Variants in STK35 observed in about 807,000 individuals in gnomAD.
STK35 encodes the protein serine/threonine kinase 35, also known as serine/threonine-protein kinase 35.
In STK35, 17 loss-of-function variants were observed where a neutral mutation model predicts 37.3. That is an observed-to-expected ratio of 0.46 (90% CI 0.31 to 0.68). The LOEUF is 0.68. Among genes scored for constraint, STK35 ranks in the 30% least tolerant of loss-of-function variants. The probability of loss-of-function intolerance (pLI) is 0.05; values close to 1 mark genes in which losing one functional copy is unlikely to be tolerated. For missense variants in STK35, 595 were observed against 746.7 expected, an observed-to-expected ratio of 0.80 and a Z score of 2.37; for synonymous variants, 385 against 319.1, an observed-to-expected ratio of 1.21 and a Z score of -2.20.
chr20:2,126,437 G>T (rs766691013), intron 3 of STK35, among the ~76,000 whole-genome samples: 34 of 152,084 alleles, frequency 2.2e-4, no homozygotes, highest in Non-Finnish European at 1.8e-4. Flanking sequence ...AGCCAGGTGG[G>T]ATGCGCAGGA....
chr20:2,147,947 A>G lies in STK35; in HGVS notation c.*4201A>G, dbSNP rs1400528447. The stretch of plus-strand genomic sequence containing the variant: ...GTGTATCTCTGATCCTGCCCTACCT[A>G]GGCTTCAAGGGGCTTCTGTCTGGAG... On this transcript the variant is annotated 3_prime_UTR_variant, in exon 4 of 4. Coordinates refer to ENST00000381482, the MANE Select transcript of STK35 (RefSeq NM_080836.4). 2 of 152,178 alleles carry G rather than the reference A, an allele frequency of 1.3e-5. No homozygotes were observed. Among genetic ancestry groups the G allele is most frequent in the African/African-American group, 4.8e-5 (2 of 41,414 alleles). The allele number at this position is 152,178 out of a possible 1,614,324, so 9.4% of individuals were successfully genotyped here.
chr20:2,128,367 G>A (rs1985942038), intron 3 of STK35, among the ~76,000 whole-genome samples: 2 of 152,134 alleles, frequency 1.3e-5, no homozygotes, highest in South Asian at 2.1e-4. Flanking sequence ...AATTCCATAA[G>A]TAATTGTATA....
intron 3 of STK35, among the ~76,000 whole-genome samples, chr20:2,120,173 T>C (rs1027843770): frequency 3.9e-5 from 6 of 152,244 alleles, no homozygotes; most frequent in Non-Finnish European, 8.8e-5. Context: ...AAGGTTGTCA[T>C]TGGAAGAGGG....
At chr20:2,131,672 T>C (rs574435659) in intron 3 of STK35, among the ~76,000 whole-genome samples, 6 of 152,302 alleles carry the variant, frequency 3.9e-5, no homozygotes, top group Admixed American at 3.9e-4. Flanking sequence ...TTTTTTGCTT[T>C]CTAAACTTAA....
intron 2 of STK35, among the ~76,000 whole-genome samples, chr20:2,105,941 G>T (rs55925258): frequency 0.011 from 1,622 of 152,232 alleles, 24 homozygotes; most frequent in African/African-American, 0.035. Flanking sequence ...GGATTGGATT[G>T]GTCCCTTTCA....
intron 3 of STK35, among the ~76,000 whole-genome samples, chr20:2,140,836 C>G (rs1986160992): frequency 6.6e-6 from 1 of 152,184 alleles, no homozygotes; most frequent in Non-Finnish European, 1.5e-5. Flanking sequence ...TGCTGTTGGT[C>G]TGACCTTCTG....
intron 2 of STK35, among the ~76,000 whole-genome samples, chr20:2,104,964 G>T (rs1985486101): frequency 6.6e-6 from 1 of 151,788 alleles, no homozygotes; most frequent in Non-Finnish European, 1.5e-5. Flanking sequence ...AACAGCCTGG[G>T]CAACAAAGTG....
At chr20:2,118,229 A>G (rs776697765) in intron 3 of STK35, among the ~76,000 whole-genome samples, 1 of 152,154 alleles carries the variant, frequency 6.6e-6, no homozygotes, top group Admixed American at 6.5e-5. Flanking sequence ...CATTATATGT[A>G]CCATAATTTA....
rs924213675 is a variant in STK35, at chr20:2,144,892, G to C, written c.*1146G>C. On this transcript the variant is annotated 3_prime_UTR_variant, in exon 4 of 4. Transcript: ENST00000381482. ...GGTGTCATATGCAGTGACACACACT[G>C]TCAAGCGCCATTTCCCTCACCCCTG... The C allele has an allele frequency of 6.5e-6, 1 of 152,904 alleles. No individual in the cohort carries two copies. The highest frequency in any genetic ancestry group is 2.4e-5 in the African/African-American group (1 of 41,470). 9.5% of individuals were successfully genotyped at this position (152,904 alleles called of 1,614,324 possible).
At chr20:2,111,250 A>C (rs1985611972) in intron 2 of STK35, among the ~76,000 whole-genome samples, 1 of 152,126 alleles carries the variant, frequency 6.6e-6, no homozygotes, top group Admixed American at 6.5e-5. Context: ...TCATTGTCCA[A>C]GATATGCTCT....
intron 3 of STK35, among the ~76,000 whole-genome samples, chr20:2,139,631 G>A (rs535170795): frequency 1.3e-5 from 2 of 152,280 alleles, no homozygotes; most frequent in African/African-American, 4.8e-5. Context: ...AGACGAGGGG[G>A]ACGATAACCC....
chr20:2,127,676 G>A (rs979523952), intron 3 of STK35, among the ~76,000 whole-genome samples: 1 of 152,092 alleles, frequency 6.6e-6, no homozygotes, highest in Non-Finnish European at 1.5e-5. Context: ...GAGCATCTTA[G>A]GGGCCAGGGT....
At chr20:2,105,609 T>A (rs1259552025) in intron 2 of STK35, among the ~76,000 whole-genome samples, 2 of 152,178 alleles carry the variant, frequency 1.3e-5, no homozygotes, top group African/African-American at 4.8e-5. Context: ...TCCTTTATTG[T>A]AAGATAGTGG....
At position 2,130,939 on chromosome 20, in the gene STK35, AC is replaced by A. The variant is rs376923075; in HGVS notation, c.*38-12840del. Among the ~76,000 whole-genome samples the A allele has an allele frequency of 7.6e-4, 116 of 152,090 alleles. No individual in the cohort carries two copies. The Middle Eastern group carries it at 0.01, about 13-fold the overall frequency. On this transcript the variant is annotated intron_variant, in intron 3 of 3. Transcript: ENST00000381482. ...GTTGTGTCATCTGCCTGCTCACCAG[AC>A]CCCCTTCCCTGGAACCCCCTGGGGA...
At chr20:2,102,680 G>C in intron 1 of STK35, 88 bp from the exon 2 acceptor site, 1 of 1,212,742 alleles carries the variant, frequency 8.2e-7, no homozygotes, top group Non-Finnish European at 1.1e-6. Flanking sequence ...CGCGGCGGCC[G>C]GGGGAGGAGG....
chr20:2,136,586 G>T (rs937072043), intron 3 of STK35, among the ~76,000 whole-genome samples: 8 of 151,078 alleles, frequency 5.3e-5, no homozygotes, highest in Admixed American at 5.3e-4. Flanking sequence ...CAAAGGCAGA[G>T]ATTTTTTTAT....
At position 2,117,447 on chromosome 20, in the gene STK35, T is replaced by C; in HGVS notation, c.*37+32T>C. On this transcript the variant is annotated intron_variant, in intron 3 of 3. Transcript: ENST00000381482. The surrounding 1 kb of genome is among the most constrained non-coding windows in gnomAD (Gnocchi z 4.4). ...GCTCTCTGTTGTTGTTTTTTGTTTT[T>C]TGTTTTGAGACAGGGTCTCACTCTG... The C allele has an allele frequency of 7.4e-7, 1 of 1,345,296 alleles. No individual in the cohort carries two copies. The highest frequency in any genetic ancestry group is 1.0e-6 in the Non-Finnish European group (1 of 980,144). 83.3% of individuals were successfully genotyped at this position (1,345,296 alleles called of 1,614,324 possible).
chr20:2,103,617 A>G (rs1364975498), intron 2 of STK35, among the ~76,000 whole-genome samples: 3 of 152,210 alleles, frequency 2.0e-5, no homozygotes, highest in South Asian at 2.1e-4. Flanking sequence ...CATTAACTTA[A>G]TAAGTGCTCA....
intron 3 of STK35, among the ~76,000 whole-genome samples, chr20:2,134,673 C>G (rs1424874712): frequency 6.6e-6 from 1 of 151,988 alleles, no homozygotes; most frequent in Non-Finnish European, 1.5e-5. Context: ...GGCAAATCAC[C>G]TGAGGTAAGG....
Sources: allele counts gnomAD v4.1 joint callset (sites outside exome capture counted in the v4.1 genomes callset), GRCh38; gene constraint gnomAD v4.1.1; non-coding constraint Gnocchi (gnomAD v3.1); transcripts MANE v1.5; gene names NCBI Gene and HGNC (gene_info 2026-07-23, HGNC 2026-07-21).